Variants in CLASP2 observed in about 807,000 individuals in gnomAD.
CLASP2 encodes CLIP-associating protein 2.
CLASP2 carries 47 observed loss-of-function variants against 194.4 expected under a neutral mutation model. The observed-to-expected ratio is 0.24, with a 90% CI of 0.19 to 0.31. The LOEUF (loss-of-function observed/expected upper bound fraction) is 0.31, where lower values mean the gene tolerates loss of function less well. Among genes scored for constraint, CLASP2 ranks in the 10% least tolerant of loss-of-function variants. The pLI is 1.00. For synonymous variants in CLASP2, 619 were observed against 633.5 expected (o/e 0.98, Z 0.34); for missense variants, 1,445 against 1,823.6 (o/e 0.79, Z 3.78).
At chr3:33,646,561 C>T (rs901157461) in intron 7 of CLASP2, among the ~76,000 whole-genome samples, 1 of 151,894 alleles carries the variant, frequency 6.6e-6, no homozygotes, top group African/African-American at 2.4e-5. Flanking sequence ...TACAAATCTA[C>T]AGAAAGTTAA....
intron 8 of CLASP2, among the ~76,000 whole-genome samples, chr3:33,637,503 T>C (rs9850643): frequency 0.51 from 76,889 of 151,952 alleles, 20,991 homozygotes; most frequent in African/African-American, 0.71. Flanking sequence ...CTCTGCACTC[T>C]AGCCTTAGCA....
chr3:33,565,369 T>C lies in CLASP2; in HGVS notation c.2766+1363A>G, dbSNP rs1479070928. ...AATTTTTTTGTACTTTTAGTAGAGA[T>C]AGGGTTTCACCATGTTGGCCTGGCT... On this transcript the variant is annotated intron_variant, in intron 27 of 38. Transcript: ENST00000682230. Among the ~76,000 whole-genome samples, 7 of 152,002 alleles carry C rather than the reference T, an allele frequency of 4.6e-5. No individual in the cohort carries two copies. The East Asian group carries it at 9.8e-4, about 21-fold the overall frequency.
intron 18 of CLASP2, 70 bp downstream of exon 18, chr3:33,602,882 G>T: frequency 7.5e-7 from 1 of 1,337,396 alleles, no homozygotes; most frequent in Non-Finnish European, 1.1e-6. Context: ...AATGATTAAG[G>T]TATATGAACT....
At chr3:33,628,792 G>A (rs953302337) in intron 9 of CLASP2, among the ~76,000 whole-genome samples, 2 of 151,972 alleles carry the variant, frequency 1.3e-5, no homozygotes. Flanking sequence ...GACTCAGTAA[G>A]AAAATAGAGA....
At chr3:33,710,600 A>C (rs1380304408) in intron 1 of CLASP2, among the ~76,000 whole-genome samples, 1 of 151,770 alleles carries the variant, frequency 6.6e-6, no homozygotes, top group Non-Finnish European at 1.5e-5. Flanking sequence ...AAAAATACAA[A>C]AGAACAAATA....
chr3:33,627,088 AAAAGAT>A lies in CLASP2; in HGVS notation c.943-14_943-9del. ...TTCTCGACTAGAATAAATCTTAAAA[AAAAGAT>A]TCAGAATTATAACAATGTTTCTTGC... On this transcript the variant is annotated splice_polypyrimidine_tract_variant and intron_variant, in intron 9 of 38. Transcript: ENST00000682230. 7.0e-7 allele frequency: 1 copy of A among 1,428,766 alleles called. No individual in the cohort carries two copies. Among genetic ancestry groups the A allele is most frequent in the Non-Finnish European group, 9.7e-7 (1 of 1,032,386 alleles). The allele number at this position is 1,428,766 out of a possible 1,614,324, so 88.5% of individuals were successfully genotyped here.
chr3:33,635,830 C>A (rs954925653), intron 8 of CLASP2, among the ~76,000 whole-genome samples: 1 of 151,942 alleles, frequency 6.6e-6, no homozygotes, highest in African/African-American at 2.4e-5. Context: ...AACAAATATT[C>A]CAAAACCCAC....
chr3:33,594,699 A>T (rs976951179), intron 20 of CLASP2, among the ~76,000 whole-genome samples: 5 of 151,620 alleles, frequency 3.3e-5, no homozygotes, highest in Admixed American at 6.6e-5. Context: ...ATTATTAAAC[A>T]TGTTAAGCAA....
At chr3:33,661,362 G>A (rs1428475837) in intron 7 of CLASP2, among the ~76,000 whole-genome samples, 2 of 152,158 alleles carry the variant, frequency 1.3e-5, no homozygotes, top group Non-Finnish European at 2.9e-5. Context: ...TGATTTCTGA[G>A]TAGCAAATGG....
rs551571677 is a variant in CLASP2, at chr3:33,604,356, C to T, written c.1695-147G>A. On this transcript the variant is annotated intron_variant, in intron 16 of 38. Transcript: ENST00000682230. ...TTTTTGAGACAGAGTCTTGCTGTGT[C>T]ACCCAGGCTACAGTGTAGTCCCATA... 4 of 623,014 alleles carry T rather than the reference C, an allele frequency of 6.4e-6. No homozygotes were observed. The East Asian group carries it at 8.4e-5, about 13-fold the overall frequency. The allele number at this position is 623,014 out of a possible 1,614,324, so 38.6% of individuals were successfully genotyped here. A position where few individuals can be genotyped will look rare whatever the true frequency, so the allele number is the denominator to read the frequency against.
intron 34 of CLASP2, among the ~76,000 whole-genome samples, chr3:33,525,315 A>T (rs1487471226): frequency 2.6e-5 from 4 of 152,160 alleles, no homozygotes; most frequent in Non-Finnish European, 5.9e-5. Context: ...GAGAAAGGAT[A>T]AAGGGGCAAG....
intron 22 of CLASP2, among the ~76,000 whole-genome samples, chr3:33,584,391 G>A (rs1349025491): frequency 1.3e-5 from 2 of 150,034 alleles, no homozygotes; most frequent in African/African-American, 4.9e-5. Context: ...TCCTGCCTCA[G>A]CCACCCGAGT....
intron 9 of CLASP2, 108 bp from the exon 10 acceptor site, chr3:33,627,188 T>G: frequency 1.4e-6 from 1 of 704,282 alleles, no homozygotes; most frequent in South Asian, 1.6e-5. Flanking sequence ...TATTTCCCAT[T>G]CTAGCACCAT....
At chr3:33,651,878 C>T (rs2083280609) in intron 7 of CLASP2, among the ~76,000 whole-genome samples, 2 of 152,044 alleles carry the variant, frequency 1.3e-5, no homozygotes, top group Admixed American at 1.3e-4. Flanking sequence ...AGGATAGTCT[C>T]AAACTCCTGA....
chr3:33,617,933 T>TAA (rs1553609454), intron 12 of CLASP2, among the ~76,000 whole-genome samples: 108 of 142,882 alleles, frequency 7.6e-4, no homozygotes, highest in South Asian at 1.7e-3. Context: ...ATTATTATTA[T>TAA]TATATATATA....
intron 6 of CLASP2, among the ~76,000 whole-genome samples, chr3:33,677,132 G>A (rs2088833658): frequency 6.6e-6 from 1 of 151,998 alleles, no homozygotes; most frequent in African/African-American, 2.4e-5. Context: ...CAACCATTGT[G>A]GAAGTCAGTG....
chr3:33,685,257 G>A (rs891806997), intron 5 of CLASP2, among the ~76,000 whole-genome samples: 27 of 140,916 alleles, frequency 1.9e-4, no homozygotes, highest in African/African-American at 4.7e-4. Context: ...CAGGAGAATC[G>A]CTTGAACCAG....
In CLASP2 at chr3:33,496,885, T is replaced by C. The variant is rs1479404214; in HGVS notation, c.*1746A>G. The C allele has an allele frequency of 6.6e-6, 1 of 152,570 alleles. No homozygotes were observed. The highest frequency in any genetic ancestry group is 6.5e-5 in the Admixed American group (1 of 15,284). 9.5% of individuals were successfully genotyped at this position (152,570 alleles called of 1,614,324 possible). ...ACCTGAAAAATCTTTTCTCCTCAGATGAACTTACAAAATTCAAGAGACCAC... is the reference window on the plus strand; with the variant it reads ...ACCTGAAAAATCTTTTCTCCTCAGACGAACTTACAAAATTCAAGAGACCAC... On this transcript the variant is annotated 3_prime_UTR_variant, in exon 39 of 39. Coordinates refer to ENST00000682230, the MANE Select transcript of CLASP2 (RefSeq NM_001365631.1).
chr3:33,603,036 T>C lies in CLASP2; in HGVS notation c.1840A>G (p.Lys614Glu). The part of the protein sequence containing the change: ...DIDVNAAAGA[K>E]AHHAAGQSVR... The stretch of plus-strand genomic sequence containing the variant: ...GACTGTCCAGCAGCATGATGTGCCT[T>C]GGCACCTGCAGCAGCATTCACATCA... The change falls in exon 18 of 39, where the codon AAG (lysine) becomes GAG (glutamate). Residue 614 changes from lysine to glutamate, a missense_variant. Around this residue, in one of 4 missense-constraint regions of CLASP2, gnomAD observed 174 missense variants for 179.0 expected, o/e 0.97. Coordinates refer to ENST00000682230, the MANE Select transcript of CLASP2 (RefSeq NM_001365631.1). The C allele has an allele frequency of 1.2e-6, 2 of 1,606,276 alleles. No individual in the cohort carries two copies. Among genetic ancestry groups the C allele is most frequent in the Non-Finnish European group, 1.7e-6 (2 of 1,176,212 alleles).
Sources: gnomAD v4.1 joint callset for allele counts (sites outside exome capture counted in the v4.1 genomes callset) on GRCh38, gnomAD v4.1.1 for gene constraint, gnomAD v4.1.1 regional missense constraint, MANE v1.5 for transcripts, NCBI Gene and HGNC (gene_info 2026-07-23, HGNC 2026-07-21) for gene names.